The following RAB28 variants were observed in gnomAD, a reference collection of about 807,000 sequenced individuals.
RAB28 encodes ras-related protein Rab-28.
Under a neutral mutation model 31.7 loss-of-function variants are expected in RAB28, and 24 were observed. That is an observed-to-expected ratio of 0.76 (90% CI 0.55 to 1.06). The LOEUF is 1.06. Among genes scored for constraint, RAB28 ranks in the 50% least tolerant of loss-of-function variants. The pLI is 0.00. For missense variants in RAB28, 254 were observed against 258.5 expected (o/e 0.98, Z 0.12); for synonymous variants, 100 against 90.4 (o/e 1.11, Z -0.60).
intron 5 of RAB28, among the ~76,000 whole-genome samples, chr4:13,381,120 T>C (rs1281240680): frequency 6.6e-6 from 1 of 151,792 alleles, no homozygotes; most frequent in African/African-American, 2.4e-5. Flanking sequence ...ATAATCAGAG[T>C]AGTACAATAT....
At chr4:13,442,365 T>C (rs1187768830) in intron 4 of RAB28, among the ~76,000 whole-genome samples, 1 of 151,872 alleles carries the variant, frequency 6.6e-6, no homozygotes, top group Non-Finnish European at 1.5e-5. Context: ...ATTACACACG[T>C]GTCTGCATAG....
chr4:13,424,849 C>T (rs1713386478), intron 4 of RAB28, among the ~76,000 whole-genome samples: 1 of 152,130 alleles, frequency 6.6e-6, no homozygotes, highest in Admixed American at 6.6e-5. Flanking sequence ...CAATTTCTCT[C>T]TCTACTATTT....
intron 4 of RAB28, among the ~76,000 whole-genome samples, chr4:13,404,539 T>C (rs1233075815): frequency 1.3e-5 from 2 of 152,078 alleles, no homozygotes; most frequent in South Asian, 2.1e-4. Context: ...TTTATAAAAA[T>C]ATAGAATAAT....
Position 13,407,167 on chromosome 4 carries a change from T to C in RAB28, c.392-25573A>G, listed in dbSNP as rs542807957. On this transcript the variant is annotated intron_variant, in intron 4 of 6. Coordinates refer to ENST00000330852, the MANE Select transcript of RAB28 (RefSeq NM_001017979.3). ...CTAACATTTAAGTCTTTAATCATTC[T>C]TGAATTAATTTTTGTATAAGGTGTA... 2.0e-3 allele frequency among the ~76,000 whole-genome samples: 302 copies of C among 152,346 alleles called. 2 individuals carry two copies. Among genetic ancestry groups the C allele is most frequent in the Non-Finnish European group, 1.9e-3 (129 of 68,034 alleles).
chr4:13,445,327 C>A (rs1204096098), intron 4 of RAB28, among the ~76,000 whole-genome samples: 1 of 151,854 alleles, frequency 6.6e-6, no homozygotes, highest in Non-Finnish European at 1.5e-5. Context: ...TATAGCTCAG[C>A]GAAGTTCATT....
chr4:13,478,635 A>C (rs1716470742), intron 2 of RAB28, among the ~76,000 whole-genome samples: 1 of 151,696 alleles, frequency 6.6e-6, no homozygotes, highest in Non-Finnish European at 1.5e-5. Context: ...GCTTCCTCAC[A>C]GAGGAGAGAG....
intron 4 of RAB28, among the ~76,000 whole-genome samples, chr4:13,436,477 C>T (rs1358648380): frequency 6.6e-6 from 1 of 152,164 alleles, no homozygotes; most frequent in East Asian, 1.9e-4. Flanking sequence ...CTCCAAAAGA[C>T]TCCTGGACCC....
chr4:13,404,629 G>C (rs1711966043), intron 4 of RAB28, among the ~76,000 whole-genome samples: 1 of 151,918 alleles, frequency 6.6e-6, no homozygotes, highest in Non-Finnish European at 1.5e-5. Context: ...AAATATTCTA[G>C]GCTTCAAACA....
In RAB28 at chr4:13,479,442, T is replaced by A. The variant is rs1716510463; in HGVS notation, c.160A>T (p.Ile54Leu). The change falls in exon 2 of 7, where the codon ATA becomes TTA. Residue 54 changes from isoleucine (I) to leucine (L), a missense_variant. Coordinates refer to ENST00000330852, the MANE Select transcript of RAB28 (RefSeq NM_001017979.3). ...TIGLDFFLRR[I>L]TLPGNLNVTL... The stretch of plus-strand genomic sequence containing the variant: ...TTTAGTCTCTTACCTGGCAATGTTA[T>A]CCTTCTCAAAAAGAAATCCAGTCCT... 6.2e-7 allele frequency: 1 copy of A among 1,600,770 alleles called. No individual in the cohort carries two copies. Among genetic ancestry groups the A allele is most frequent in the Non-Finnish European group, 8.5e-7 (1 of 1,169,670 alleles).
intron 4 of RAB28, among the ~76,000 whole-genome samples, chr4:13,414,839 C>T (rs1290937305): frequency 6.6e-6 from 1 of 152,052 alleles, no homozygotes; most frequent in African/African-American, 2.4e-5. Context: ...ATCATATATG[C>T]CTTCATTAAA....
chr4:13,470,120 CA>C (rs1283805468), intron 3 of RAB28, among the ~76,000 whole-genome samples: 1 of 152,050 alleles, frequency 6.6e-6, no homozygotes, highest in Non-Finnish European at 1.5e-5. Flanking sequence ...TTAACCTTCT[CA>C]AAAAATGAAA....
At chr4:13,434,219 C>G (rs1713970389) in intron 4 of RAB28, among the ~76,000 whole-genome samples, 1 of 152,172 alleles carries the variant, frequency 6.6e-6, no homozygotes, top group Non-Finnish European at 1.5e-5. Flanking sequence ...GTACCACAAT[C>G]AGTACCTGGG....
intron 6 of RAB28, chr4:13,371,037 T>C (rs1728693451): frequency 1.0e-6 from 1 of 983,390 alleles, no homozygotes; most frequent in Non-Finnish European, 1.2e-6. Flanking sequence ...CATAATAGCA[T>C]CTATTAATTT....
intron 4 of RAB28, among the ~76,000 whole-genome samples, chr4:13,414,794 T>G (rs966597278): frequency 2.0e-5 from 3 of 152,262 alleles, no homozygotes; most frequent in Non-Finnish European, 4.4e-5. Context: ...GATCTTTTTA[T>G]GTAATCCATT....
intron 3 of RAB28, among the ~76,000 whole-genome samples, chr4:13,469,843 A>G (rs1716036098): frequency 1.3e-5 from 2 of 151,954 alleles, no homozygotes; most frequent in Non-Finnish European, 2.9e-5. Flanking sequence ...CATGTACCAC[A>G]GTGCCCAGCT....
intron 2 of RAB28, among the ~76,000 whole-genome samples, chr4:13,476,572 A>G (rs1445563855): frequency 6.6e-6 from 1 of 151,576 alleles, no homozygotes; most frequent in African/African-American, 2.4e-5. Flanking sequence ...AAAACTAAAA[A>G]TAAAATGTGG....
chr4:13,443,199 G>A (rs561765667), intron 4 of RAB28, among the ~76,000 whole-genome samples: 129 of 151,362 alleles, frequency 8.5e-4, no homozygotes, highest in African/African-American at 3.0e-3. Context: ...TTTTGAGACG[G>A]AGTCTCCTTC....
chr4:13,451,873 C>G (rs1472381270), intron 4 of RAB28, among the ~76,000 whole-genome samples: 1 of 151,872 alleles, frequency 6.6e-6, no homozygotes, highest in Non-Finnish European at 1.5e-5. Context: ...TGTTCTTGAA[C>G]ATTTGTTAAA....
At chr4:13,468,735 AAAG>A (rs1350494909) in intron 3 of RAB28, among the ~76,000 whole-genome samples, 2 of 151,890 alleles carry the variant, frequency 1.3e-5, no homozygotes, top group African/African-American at 4.8e-5. Flanking sequence ...CACTGAAATT[AAAG>A]AAGAAAACAA....
Sources: gnomAD v4.1 joint callset for allele counts (sites outside exome capture counted in the v4.1 genomes callset) on GRCh38, gnomAD v4.1.1 for gene constraint, MANE v1.5 for transcripts, NCBI Gene and HGNC (gene_info 2026-07-23, HGNC 2026-07-21) for gene names.